Variants in SHANK1 observed in about 807,000 individuals in gnomAD.
SHANK1 encodes the protein SH3 and multiple ankyrin repeat domains 1.
SHANK1 carries 35 observed loss-of-function variants against 165.6 expected under a neutral mutation model. The observed-to-expected ratio is 0.21, with a 90% CI of 0.16 to 0.28. SHANK1 has a LOEUF of 0.28. Among genes scored for constraint, SHANK1 ranks in the 10% least tolerant of loss-of-function variants. The pLI, the probability that SHANK1 is intolerant of heterozygous loss-of-function variation, is 1.00. For synonymous variants in SHANK1, 1,428 were observed against 1,384.8 expected (o/e 1.03, Z -0.69); for missense variants, 2,681 against 3,036.4 (o/e 0.88, Z 2.75).
chr19:50,716,613 T>G lies in SHANK1; in HGVS notation c.255+52A>C. 1 of 1,554,046 alleles carries G rather than the reference T, an allele frequency of 6.4e-7. No homozygotes were observed. The highest frequency in any genetic ancestry group is 1.8e-5 in the Admixed American group (1 of 54,680). On this transcript the variant is annotated intron_variant, in intron 2 of 23. Transcript: ENST00000293441. The surrounding 1 kb of genome is among the most constrained non-coding windows in gnomAD (Gnocchi z 8.4). Reference sequence around the variant, plus strand: ...ACCCAGCACCAGTGGACTCCCCATGTCGGTTGGGGCACTGTCCCTCTCCTG... The same window carrying G: ...ACCCAGCACCAGTGGACTCCCCATGGCGGTTGGGGCACTGTCCCTCTCCTG...
At chr19:50,687,066 G>A (rs1464686323) in intron 19 of SHANK1, 1 of 1,439,882 alleles carries the variant, frequency 6.9e-7, no homozygotes, top group South Asian at 1.6e-5. Context: ...GGCAGTAGAG[G>A]AGCCAAGAGT....
intron 8 of SHANK1, among the ~76,000 whole-genome samples, chr19:50,708,659 A>T (rs1481160771): frequency 2.0e-5 from 3 of 152,262 alleles, no homozygotes; most frequent in Non-Finnish European, 4.4e-5. Flanking sequence ...CGAGTCATTC[A>T]TTCATTGGTT....
rs1178149056 is a variant in SHANK1 at position 50,704,451 on chromosome 19, G to C, written c.1141C>G (p.Gln381Glu). Residue 381 changes from glutamine to glutamate, a missense_variant, in exon 9 of 24, where the codon CAG (glutamine) becomes GAG (glutamate). Around this residue, in one of 10 missense-constraint regions of SHANK1, gnomAD observed 189 missense variants for 440.9 expected, o/e 0.43. Coordinates refer to ENST00000293441, the MANE Select transcript of SHANK1 (RefSeq NM_016148.5). ...ADKDVKNNNG[Q>E]TPFQVAVIAG... ...CAGCCCCAGACCTGGAAGGGGGTCT[G>C]TCCGTTGTTGTTCTTCACATCCTTG... is the stretch of plus-strand genomic sequence containing the variant. 2 of 1,614,024 alleles carry C rather than the reference G, an allele frequency of 1.2e-6. No individual in the cohort carries two copies. The highest frequency in any genetic ancestry group is 1.7e-6 in the Non-Finnish European group (2 of 1,180,014).
At position 50,690,566 on chromosome 19, in the gene SHANK1, C is replaced by T. The variant is rs765821771; in HGVS notation, c.1965-1287G>A. Reference sequence around the variant, plus strand: ...CCCAGGGCACACTTGTAGCACCTCCCACCCTCACAATCCCAGTGTATTCCA... The same window carrying T: ...CCCAGGGCACACTTGTAGCACCTCCTACCCTCACAATCCCAGTGTATTCCA... On this transcript the variant is annotated intron_variant, in intron 15 of 23. Coordinates refer to ENST00000293441, the MANE Select transcript of SHANK1 (RefSeq NM_016148.5). This position sits in a 1 kb window ranked among gnomAD's most constrained non-coding sequence, Gnocchi z 4.9. Among the ~76,000 whole-genome samples, 4 of 152,114 alleles carry T rather than the reference C, an allele frequency of 2.6e-5. No individual in the cohort carries two copies. Among genetic ancestry groups the T allele is most frequent in the Non-Finnish European group, 5.9e-5 (4 of 68,020 alleles).
chr19:50,668,655 G>A lies in SHANK1; in HGVS notation c.3305C>T (p.Ser1102Leu), dbSNP rs1985666146. ...CAGCGGGCCCTTGCGGCCGCGGCCC[G>A]AGCGGGCGGGCACGTACATGGCTGC... ...ASAAMYVPARSGRGRKGPLVK... is the reference protein window; with the variant it reads ...ASAAMYVPARLGRGRKGPLVK... Residue 1102 changes from serine to leucine, a missense_variant, in exon 23 of 24, where the codon TCG (serine) becomes TTG (leucine). By Grantham distance (145) the Ser-to-Leu change is moderately radical (BLOSUM62 -2). Coordinates refer to ENST00000293441, the MANE Select transcript of SHANK1 (RefSeq NM_016148.5). 7.3e-7 allele frequency: 1 copy of A among 1,361,944 alleles called. No individual in the cohort carries two copies. Among genetic ancestry groups the A allele is most frequent in the South Asian group, 1.8e-5 (1 of 56,354 alleles). 84.4% of individuals were successfully genotyped at this position (1,361,944 alleles called of 1,614,324 possible).
intron 8 of SHANK1, among the ~76,000 whole-genome samples, chr19:50,707,538 AT>A (rs200890120): frequency 0.013 from 1,872 of 149,192 alleles, 19 homozygotes; most frequent in Non-Finnish European, 0.019. Flanking sequence ...AGCAGTTAGG[AT>A]TCCAACAACC....
rs968673237 is a variant in SHANK1 at position 50,667,102 on chromosome 19, T to C, written c.4858A>G (p.Thr1620Ala). The C allele has an allele frequency of 7.1e-6, 11 of 1,552,090 alleles. No individual in the cohort carries two copies. Among genetic ancestry groups the C allele is most frequent in the Non-Finnish European group, 8.6e-6 (10 of 1,156,344 alleles). Residue 1620 changes from threonine (T) to alanine (A), a missense_variant, in exon 23 of 24, where the codon ACC becomes GCC. Transcript: ENST00000293441. The surrounding 1 kb of genome is among the most constrained non-coding windows in gnomAD (Gnocchi z 5.7). ...TCATAGGATGTCAGGCTGGATGCGG[T>C]GGAGTCCAGGGTGGGAGGGGCTGCG... ...VAAAPPTLDS[T>A]ASSLTSYDSE... is the part of the protein sequence containing the mutation.
rs1568423440 is a variant in SHANK1, at chr19:50,660,836, A to G, written c.*1129T>C. Reference sequence around the variant, plus strand: ...AGGGGCAAGGGAGTGGGAGCCTGGCAAAGAAGAAGAGAATGAGCATGTGTG... The same window carrying G: ...AGGGGCAAGGGAGTGGGAGCCTGGCGAAGAAGAAGAGAATGAGCATGTGTG... On this transcript the variant is annotated 3_prime_UTR_variant, in exon 24 of 24. Transcript: ENST00000293441. Among the ~76,000 whole-genome samples the G allele has an allele frequency of 1.3e-5, 2 of 150,896 alleles. No individual in the cohort carries two copies. Among genetic ancestry groups the G allele is most frequent in the Non-Finnish European group, 2.9e-5 (2 of 67,836 alleles).
chr19:50,662,607 A>T lies in SHANK1; in HGVS notation c.5844T>A (p.Pro1948=). Residue 1948 remains proline (P), a synonymous_variant, in exon 24 of 24, where the codon CCT becomes CCA. Coordinates refer to ENST00000293441, the MANE Select transcript of SHANK1 (RefSeq NM_016148.5). The surrounding 1 kb of genome is among the most constrained non-coding windows in gnomAD (Gnocchi z 7.7). ...CTGTTCCGGTGGGGAGTGGCGGCAGAGGTGGTTTGGGCCAGTTCTGAAACA... is the reference window on the plus strand; with the variant it reads ...CTGTTCCGGTGGGGAGTGGCGGCAGTGGTGGTTTGGGCCAGTTCTGAAACA... ...SSLFQNWPKP[P]LPPLPTGTGV... 6.4e-7 allele frequency: 1 copy of T among 1,562,772 alleles called. No individual in the cohort carries two copies. The highest frequency in any genetic ancestry group is 8.7e-7 in the Non-Finnish European group (1 of 1,154,256).
At chr19:50,672,570 AAAAAAAAAAAG>A in intron 21 of SHANK1, among the ~76,000 whole-genome samples, 1 of 150,992 alleles carries the variant, frequency 6.6e-6, no homozygotes, top group East Asian at 1.9e-4. Flanking sequence ...AAAAAAAAAA[AAAAAAAAAAAG>A]AAAAGAAGGC....
chr19:50,664,446 GCC>G (rs1452771616), intron 23 of SHANK1, among the ~76,000 whole-genome samples: 1 of 152,120 alleles, frequency 6.6e-6, no homozygotes, highest in Non-Finnish European at 1.5e-5. Flanking sequence ...CTTGTTCGAG[GCC>G]CCCTCTTCCC....
intron 1 of SHANK1, among the ~76,000 whole-genome samples, chr19:50,719,147 C>A (rs1485810166): frequency 1.2e-5 from 1 of 81,206 alleles, no homozygotes; most frequent in East Asian, 4.6e-4. Flanking sequence ...GAGGCGGGTT[C>A]GGGATAGGGG....
rs2123141527 is a variant in SHANK1 at position 50,690,946 on chromosome 19, G to A, written c.1965-1667C>T. On this transcript the variant is annotated intron_variant, in intron 15 of 23. Coordinates refer to ENST00000293441, the MANE Select transcript of SHANK1 (RefSeq NM_016148.5). This position sits in a 1 kb window ranked among gnomAD's most constrained non-coding sequence, Gnocchi z 4.9. ...CATACATTTGCACCATGGCGACAGG[G>A]TTCTGGATGTGCACGTGTCCTCCCT... Among the ~76,000 whole-genome samples the A allele has an allele frequency of 6.6e-6, 1 of 152,224 alleles. No individual in the cohort carries two copies. The highest frequency in any genetic ancestry group is 3.4e-3 in the Middle Eastern group (1 of 294).
At chr19:50,709,633 TC>T (rs1304827583) in intron 8 of SHANK1, among the ~76,000 whole-genome samples, 3 of 151,998 alleles carry the variant, frequency 2.0e-5, no homozygotes, top group East Asian at 1.9e-4. Flanking sequence ...CACTGCAGCC[TC>T]CACCTCCCAG....
At position 50,667,011 on chromosome 19, in the gene SHANK1, G is replaced by C. The variant is rs777334464; in HGVS notation, c.4949C>G (p.Pro1650Arg). 6.4e-7 allele frequency: 1 copy of C among 1,556,972 alleles called. No homozygotes were observed. Among genetic ancestry groups the C allele is most frequent in the Non-Finnish European group, 8.7e-7 (1 of 1,153,610 alleles). ...GGGAGCCGGTGCTGCTGGGGCAGGC[G>C]GGCCTGGTGGATGGGGGTCCCCAGG... is the stretch of plus-strand genomic sequence containing the variant. ...AAPGDPHPPGPPAPAAPAPAA... is the reference protein window; with the variant it reads ...AAPGDPHPPGRPAPAAPAPAA... The change falls in exon 23 of 24, where the codon CCG becomes CGG. Residue 1650 changes from proline (P) to arginine (R), a missense_variant. Coordinates refer to ENST00000293441, the MANE Select transcript of SHANK1 (RefSeq NM_016148.5). This position sits in a 1 kb window ranked among gnomAD's most constrained non-coding sequence, Gnocchi z 5.7.
chr19:50,667,443 C>A lies in SHANK1; in HGVS notation c.4517G>T (p.Ser1506Ile). 1 of 1,527,696 alleles carries A rather than the reference C, an allele frequency of 6.5e-7. No homozygotes were observed. The highest frequency in any genetic ancestry group is 8.7e-7 in the Non-Finnish European group (1 of 1,146,086). 94.6% of individuals were successfully genotyped at this position (1,527,696 alleles called of 1,614,324 possible). The stretch of plus-strand genomic sequence containing the variant: ...GTCCTCCGAGGGGGGACCCCTTCCG[C>A]TCGTCACAGGGGCCCGGGGCTGGCA... ...ENCQPRAPVT[S>I]GRGPPSEDGP... The change falls in exon 23 of 24, where the codon AGC (serine) becomes ATC (isoleucine). Residue 1506 changes from serine (S) to isoleucine (I), a missense_variant. Ser to Ile is a moderately radical substitution (Grantham distance 142). Coordinates refer to ENST00000293441, the MANE Select transcript of SHANK1 (RefSeq NM_016148.5). This position sits in a 1 kb window ranked among gnomAD's most constrained non-coding sequence, Gnocchi z 5.7.
chr19:50,708,564 G>A (rs1050919102), intron 8 of SHANK1, among the ~76,000 whole-genome samples: 3 of 146,572 alleles, frequency 2.0e-5, no homozygotes, highest in African/African-American at 5.1e-5. Flanking sequence ...GCCTGGTGCT[G>A]TGCACATAGT....
rs1446345153 is a variant in SHANK1, at chr19:50,659,310, A to G, written c.*2655T>C. 1 of 514,566 alleles carries G rather than the reference A, an allele frequency of 1.9e-6. No homozygotes were observed. The highest frequency in any genetic ancestry group is 4.5e-5 in the Admixed American group (1 of 22,316). 31.9% of individuals were successfully genotyped at this position (514,566 alleles called of 1,614,324 possible). A position where few individuals can be genotyped will look rare whatever the true frequency, so the allele number is the denominator to read the frequency against. On this transcript the variant is annotated 3_prime_UTR_variant, in exon 24 of 24. Coordinates refer to ENST00000293441, the MANE Select transcript of SHANK1 (RefSeq NM_016148.5). ...TAAAGAATGACCTGGTACAAAAGCC[A>G]TTTCTCTCTGCAAAATCTTGGTGGG... is the stretch of plus-strand genomic sequence containing the variant.
chr19:50,673,258 C>T (rs540178742), intron 21 of SHANK1, among the ~76,000 whole-genome samples: 2 of 152,150 alleles, frequency 1.3e-5, no homozygotes, highest in South Asian at 4.1e-4. Context: ...CGTAGCAAAC[C>T]CTTGGTACAG....
Sources: gnomAD v4.1 joint callset for allele counts (sites outside exome capture counted in the v4.1 genomes callset) on GRCh38, gnomAD v4.1.1 for gene constraint, gnomAD v4.1.1 regional missense constraint, Gnocchi (gnomAD v3.1) non-coding constraint, MANE v1.5 for transcripts, NCBI Gene and HGNC (gene_info 2026-07-23, HGNC 2026-07-21) for gene names.